Variants in PELI2 observed in about 807,000 individuals in gnomAD.
The protein encoded by PELI2 is E3 ubiquitin-protein ligase pellino homolog 2.
A neutral mutation model predicts 42.3 loss-of-function variants in PELI2; 23 were observed. The observed-to-expected ratio is 0.54, with a 90% CI of 0.39 to 0.77. The LOEUF is 0.77. Among genes scored for constraint, PELI2 ranks in the 30% least tolerant of loss-of-function variants. The pLI, the probability that PELI2 is intolerant of heterozygous loss-of-function variation, is 0.00. For missense variants in PELI2, 463 were observed against 553.2 expected (o/e 0.84, Z 1.64); for synonymous variants, 245 against 212.2 (o/e 1.15, Z -1.34).
chr14:56,118,775 G>A, intron 1 of PELI2, 38 bp downstream of exon 1: 1 of 1,373,394 alleles, frequency 7.3e-7, no homozygotes, highest in Non-Finnish European at 9.8e-7. Context: ...CAGCGGCGCG[G>A]GCGGGGAGCG....
intron 2 of PELI2, among the ~76,000 whole-genome samples, chr14:56,259,558 T>TAA (rs1208481996): frequency 6.6e-6 from 1 of 152,142 alleles, no homozygotes; most frequent in Non-Finnish European, 1.5e-5. Flanking sequence ...ATCGTCTCCA[T>TAA]ATGCATGCAC....
At chr14:56,205,515 A>G (rs1255720858) in intron 2 of PELI2, among the ~76,000 whole-genome samples, 1 of 152,154 alleles carries the variant, frequency 6.6e-6, no homozygotes, top group African/African-American at 2.4e-5. Flanking sequence ...AAGAAGCATG[A>G]AATCCTCTTT....
chr14:56,246,459 C>CTA (rs1440820538), intron 2 of PELI2, among the ~76,000 whole-genome samples: 5 of 152,320 alleles, frequency 3.3e-5, no homozygotes, highest in Admixed American at 3.3e-4. Context: ...TGCACTAATT[C>CTA]TTTCAACCCT....
At chr14:56,226,580 T>G (rs183494133) in intron 2 of PELI2, among the ~76,000 whole-genome samples, 1 of 152,340 alleles carries the variant, frequency 6.6e-6, no homozygotes, top group Admixed American at 6.5e-5. Flanking sequence ...TGGGCATGTG[T>G]TTGCACAACA....
Position 56,119,851 on chromosome 14 carries a change from C to T in PELI2, c.77+1114C>T, listed in dbSNP as rs1037325683. ...GAAAGACCTGTATTCAGAACATCCT[C>T]GGCGCTGATAGGTAGGCTTAGCACA... On this transcript the variant is annotated intron_variant, in intron 1 of 5. Transcript: ENST00000267460. The T allele has an allele frequency of 1.2e-5, 12 of 985,134 alleles. No individual in the cohort carries two copies. In the South Asian group the frequency reaches 4.7e-4, roughly 39 times the overall value. The allele number at this position is 985,134 out of a possible 1,614,324, so 61.0% of individuals were successfully genotyped here. A position where few individuals can be genotyped will look rare whatever the true frequency, so the allele number is the denominator to read the frequency against.
intron 2 of PELI2, among the ~76,000 whole-genome samples, chr14:56,201,251 G>C (rs1033276317): frequency 2.6e-5 from 4 of 152,168 alleles, no homozygotes; most frequent in Non-Finnish European, 5.9e-5. Flanking sequence ...TTTGCTGGTG[G>C]TTTTTCCATG....
intron 1 of PELI2, among the ~76,000 whole-genome samples, chr14:56,123,442 T>G (rs1883136490): frequency 6.6e-6 from 1 of 152,200 alleles, no homozygotes; most frequent in Admixed American, 6.5e-5. Flanking sequence ...TGTGGGGTGA[T>G]CTGAAGAGCT....
chr14:56,267,183 C>T (rs548942863), intron 2 of PELI2, among the ~76,000 whole-genome samples: 5 of 151,892 alleles, frequency 3.3e-5, no homozygotes, highest in Non-Finnish European at 7.4e-5. Context: ...GTCAAGAACC[C>T]GAGGGACCCC....
At chr14:56,214,277 G>T (rs1457904803) in intron 2 of PELI2, among the ~76,000 whole-genome samples, 1 of 152,174 alleles carries the variant, frequency 6.6e-6, no homozygotes, top group East Asian at 1.9e-4. Flanking sequence ...TGGGGGAGGG[G>T]AGAGAGGGTA....
At chr14:56,121,640 G>C (rs986210854) in intron 1 of PELI2, among the ~76,000 whole-genome samples, 2 of 152,182 alleles carry the variant, frequency 1.3e-5, no homozygotes, top group Non-Finnish European at 2.9e-5. Flanking sequence ...AGGCAGTTTG[G>C]TATAGTGGGA....
intron 2 of PELI2, among the ~76,000 whole-genome samples, chr14:56,211,446 A>G (rs867122111): frequency 2.0e-5 from 3 of 152,192 alleles, no homozygotes; most frequent in Admixed American, 6.5e-5. Context: ...AGCTGAGTCA[A>G]TGCTCACAGG....
At chr14:56,155,936 T>A (rs1479080516) in intron 1 of PELI2, among the ~76,000 whole-genome samples, 1 of 152,204 alleles carries the variant, frequency 6.6e-6, no homozygotes, top group African/African-American at 2.4e-5. Flanking sequence ...TTTTCTGCCT[T>A]CTTTTTCAGC....
chr14:56,181,840 ATGTGTGTGTG>A lies in PELI2; in HGVS notation c.207+3400_207+3409del, dbSNP rs3042510. ...TCAGAGGTATTTCTCTGATTATGTA[ATGTGTGTGTG>A]TGTGTGTGTGTGTGTGTGTGTGTTT... is the stretch of plus-strand genomic sequence containing the variant. On this transcript the variant is annotated intron_variant, in intron 2 of 5. Coordinates refer to ENST00000267460, the MANE Select transcript of PELI2 (RefSeq NM_021255.3). 5.1e-3 allele frequency among the ~76,000 whole-genome samples: 752 copies of A among 148,358 alleles called. 6 individuals are homozygous for A. The highest frequency in any genetic ancestry group is 4.1e-3 in the Admixed American group (61 of 14,860).
chr14:56,168,293 A>C (rs1885041697), intron 1 of PELI2, among the ~76,000 whole-genome samples: 1 of 152,168 alleles, frequency 6.6e-6, no homozygotes, highest in Admixed American at 6.5e-5. Flanking sequence ...TGGGTCCAAA[A>C]GTGCTGCCCT....
chr14:56,161,991 T>G (rs980683069), intron 1 of PELI2, among the ~76,000 whole-genome samples: 17 of 152,278 alleles, frequency 1.1e-4, no homozygotes, highest in African/African-American at 3.6e-4. Flanking sequence ...TTAAAAAAAT[T>G]TTGGTGGGTG....
intron 2 of PELI2, among the ~76,000 whole-genome samples, chr14:56,248,665 A>C (rs538554626): frequency 1.5e-3 from 221 of 152,186 alleles, no homozygotes; most frequent in African/African-American, 5.1e-3. Flanking sequence ...CTTGAATTCC[A>C]GGCCCAGGAA....
rs547119380 is a variant in PELI2, at chr14:56,118,684, A to G, written c.24A>G (p.Glu8=). 35 of 1,512,062 alleles carry G rather than the reference A, an allele frequency of 2.3e-5. No individual in the cohort carries two copies. In the East Asian group the frequency reaches 8.6e-4, roughly 37 times the overall value. The allele number at this position is 1,512,062 out of a possible 1,614,324, so 93.7% of individuals were successfully genotyped here. Residue 8 remains glutamate (E), a synonymous_variant, in exon 1 of 6, where the codon GAA becomes GAG. Coordinates refer to ENST00000267460, the MANE Select transcript of PELI2 (RefSeq NM_021255.3). MFSPGQE[E]HCAPNKEPVK... is the part of the protein sequence containing the mutation. ...CCATGTTTTCCCCTGGCCAGGAGGAACACTGCGCCCCCAATAAGGAGCCAG... is the reference window on the plus strand; with the variant it reads ...CCATGTTTTCCCCTGGCCAGGAGGAGCACTGCGCCCCCAATAAGGAGCCAG...
At chr14:56,134,335 T>C (rs1054522377) in intron 1 of PELI2, among the ~76,000 whole-genome samples, 4 of 152,238 alleles carry the variant, frequency 2.6e-5, no homozygotes, top group African/African-American at 9.6e-5. Flanking sequence ...ATTTTGACAG[T>C]GATAAAGCTT....
At chr14:56,126,612 A>C (rs567125719) in intron 1 of PELI2, among the ~76,000 whole-genome samples, 1 of 152,160 alleles carries the variant, frequency 6.6e-6, no homozygotes, top group Non-Finnish European at 1.5e-5. Context: ...AGTGCCTCGG[A>C]GGACCTCGGT....
Sources: allele counts gnomAD v4.1 joint callset (sites outside exome capture counted in the v4.1 genomes callset), GRCh38; gene constraint gnomAD v4.1.1; transcripts MANE v1.5; gene names NCBI Gene and HGNC (gene_info 2026-07-23, HGNC 2026-07-21).